DPY19L3: variants seen among roughly 807,000 people sequenced by gnomAD.
DPY19L3 encodes dpy-19 like C-mannosyltransferase 3, also known as protein C-mannosyl-transferase DPY19L3.
A neutral mutation model predicts 92.3 loss-of-function variants in DPY19L3; 51 were observed. The observed-to-expected ratio is 0.55, with a 90% CI of 0.44 to 0.70. DPY19L3 has a LOEUF of 0.70. Ranked by LOEUF, DPY19L3 falls within the 30% of genes least tolerant of loss-of-function variation. The pLI is 0.00. For missense variants in DPY19L3, 706 were observed against 855.9 expected (o/e 0.82, Z 2.18); for synonymous variants, 309 against 315.2 (o/e 0.98, Z 0.21).
rs920964564 is a variant in DPY19L3 at position 32,422,423 on chromosome 19, C to T, written c.238-10293C>T. On this transcript the variant is annotated intron_variant, in intron 3 of 18. Transcript: ENST00000392250. The stretch of plus-strand genomic sequence containing the variant: ...GTAGAATCATTATAGAAATTATGAC[C>T]GTCTCAGATGCAACATACAGGAGAC... 3.3e-5 allele frequency among the ~76,000 whole-genome samples: 5 copies of T among 152,008 alleles called. No individual in the cohort carries two copies. In the East Asian group the frequency reaches 7.7e-4, roughly 23 times the overall value.
chr19:32,473,656 G>A (rs764795330), intron 16 of DPY19L3, among the ~76,000 whole-genome samples: 9 of 152,272 alleles, frequency 5.9e-5, no homozygotes, highest in African/African-American at 1.2e-4. Flanking sequence ...TTTGCCTTAC[G>A]GGTAGAGTGA....
chr19:32,465,912 C>T (rs1160395509), intron 15 of DPY19L3, among the ~76,000 whole-genome samples: 4 of 152,132 alleles, frequency 2.6e-5, no homozygotes, highest in Non-Finnish European at 1.5e-5. Flanking sequence ...CATCTAGACA[C>T]GAACAGTTAA....
intron 3 of DPY19L3, among the ~76,000 whole-genome samples, chr19:32,426,644 A>G (rs1968775190): frequency 6.6e-6 from 1 of 152,226 alleles, no homozygotes; most frequent in African/African-American, 2.4e-5. Flanking sequence ...CTGTCAGAAC[A>G]CACACATTTC....
intron 4 of DPY19L3, among the ~76,000 whole-genome samples, chr19:32,433,038 C>A (rs545623562): frequency 6.6e-6 from 1 of 152,164 alleles, no homozygotes; most frequent in African/African-American, 2.4e-5. Flanking sequence ...AAAGTAATAT[C>A]TTTGCAATTT....
intron 8 of DPY19L3, among the ~76,000 whole-genome samples, chr19:32,445,446 A>AAAAAAAAAAAAAAAC (rs1969464038): frequency 6.8e-6 from 1 of 148,104 alleles, no homozygotes; most frequent in Non-Finnish European, 1.5e-5. Context: ...ATCTCAAAAA[A>AAAAAAAAAAAAAAAC]AAAAAAAAAA....
intron 16 of DPY19L3, chr19:32,469,169 C>T (rs978570153): frequency 6.1e-6 from 1 of 164,672 alleles, no homozygotes; most frequent in East Asian, 1.8e-4. Context: ...CATTTTAATA[C>T]CATTCTGATT....
intron 12 of DPY19L3, among the ~76,000 whole-genome samples, chr19:32,462,085 AATAAT>A (rs1970058062): frequency 6.6e-6 from 1 of 152,236 alleles, no homozygotes; most frequent in African/African-American, 2.4e-5. Context: ...GAATAACAAT[AATAAT>A]AAAATACAAC....
intron 6 of DPY19L3, among the ~76,000 whole-genome samples, chr19:32,438,635 A>T (rs1241640428): frequency 4.6e-5 from 7 of 152,176 alleles, no homozygotes; most frequent in Non-Finnish European, 8.8e-5. Context: ...GTGTACAAAG[A>T]TGAAAAATTT....
chr19:32,415,217 TAGAG>T (rs1968337584), intron 3 of DPY19L3, among the ~76,000 whole-genome samples: 1 of 152,150 alleles, frequency 6.6e-6, no homozygotes, highest in South Asian at 2.1e-4. Flanking sequence ...TGGGGTGAGA[TAGAG>T]AGCACTGTGG....
Position 32,482,278 on chromosome 19 carries a change from A to T in DPY19L3, c.*38A>T. 1.3e-6 allele frequency: 2 copies of T among 1,593,358 alleles called. No homozygotes were observed. Among genetic ancestry groups the T allele is most frequent in the Middle Eastern group, 3.4e-4 (2 of 5,946 alleles). ...CCCAGTGTCTATTTTTGATACGGAG[A>T]AACTGCATCATGATGAAACTCAATA... On this transcript the variant is annotated 3_prime_UTR_variant, in exon 19 of 19. Coordinates refer to ENST00000392250, the MANE Select transcript of DPY19L3 (RefSeq NM_001172774.2).
chr19:32,447,820 A>ATAGAT (rs1969562035), intron 8 of DPY19L3, among the ~76,000 whole-genome samples: 1 of 127,504 alleles, frequency 7.8e-6, no homozygotes, highest in South Asian at 2.8e-4. Flanking sequence ...GATAGATTAG[A>ATAGAT]TAGATAGATA....
At chr19:32,463,593 T>A in intron 13 of DPY19L3, 105 bp downstream of exon 13, 1 of 1,335,816 alleles carries the variant, frequency 7.5e-7, no homozygotes, top group South Asian at 1.4e-5. Context: ...TGATCATGGT[T>A]CCCATAAAAT....
At chr19:32,428,748 AGT>A (rs1211635876) in intron 3 of DPY19L3, among the ~76,000 whole-genome samples, 13 of 151,874 alleles carry the variant, frequency 8.6e-5, no homozygotes, top group Non-Finnish European at 5.9e-5. Flanking sequence ...TATTGTGAGC[AGT>A]CATTTTTTGT....
In DPY19L3 at chr19:32,464,759, T is replaced by C; in HGVS notation, c.1589T>C (p.Leu530Ser). 1 of 1,531,560 alleles carries C rather than the reference T, an allele frequency of 6.5e-7. No individual in the cohort carries two copies. Among genetic ancestry groups the C allele is most frequent in the Non-Finnish European group, 8.9e-7 (1 of 1,125,406 alleles). The allele number at this position is 1,531,560 out of a possible 1,614,324, so 94.9% of individuals were successfully genotyped here. The change falls in exon 15 of 19, where the codon TTA becomes TCA. Residue 530 changes from leucine (L) to serine (S), a missense_variant. Leu to Ser is a moderately radical substitution (Grantham distance 145, BLOSUM62 -2). Transcript: ENST00000392250. ...ATAATGCGATATTCAGTACCGATAT[T>C]AATACTGCTGTATCTATGCTATAAG... ...ICIMRYSVPI[L>S]ILLYLCYKFW...
At chr19:32,422,887 T>C (rs6510246) in intron 3 of DPY19L3, among the ~76,000 whole-genome samples, 134,942 of 152,230 alleles carry the variant, frequency 0.89, 60,078 homozygotes, top group African/African-American at 0.97. Context: ...TAGCATTCAG[T>C]TTCTCCACAG....
chr19:32,451,693 CT>C (rs1160241174), intron 8 of DPY19L3, among the ~76,000 whole-genome samples: 1 of 152,112 alleles, frequency 6.6e-6, no homozygotes, highest in Non-Finnish European at 1.5e-5. Flanking sequence ...TAGGGACTGC[CT>C]TTTTTTTCTT....
intron 8 of DPY19L3, among the ~76,000 whole-genome samples, chr19:32,446,282 A>G (rs1969497133): frequency 6.6e-6 from 1 of 152,202 alleles, no homozygotes; most frequent in African/African-American, 2.4e-5. Context: ...TGAAATTGTA[A>G]AAATGTTCAG....
At position 32,463,382 on chromosome 19, in the gene DPY19L3, C is replaced by G; in HGVS notation, c.1339C>G (p.Gln447Glu). Residue 447 changes from glutamine (Q) to glutamate (E), a missense_variant, in exon 13 of 19, where the codon CAA becomes GAA. Coordinates refer to ENST00000392250, the MANE Select transcript of DPY19L3 (RefSeq NM_001172774.2). ...TTTACTCAGTGATTCTACAAATCAA[C>G]AATCCGTGGGTAAAATGGAAAAAGG... ...FHNLSDSTNQ[Q>E]SVGKMEKGTV... The G allele has an allele frequency of 6.2e-7, 1 of 1,613,648 alleles. No homozygotes were observed. Among genetic ancestry groups the G allele is most frequent in the Non-Finnish European group, 8.5e-7 (1 of 1,179,730 alleles).
rs2145492556 is a variant in DPY19L3 at position 32,437,208 on chromosome 19, A to G, written c.465A>G (p.Pro155=). 6.2e-7 allele frequency: 1 copy of G among 1,614,024 alleles called. No homozygotes were observed. Among genetic ancestry groups the G allele is most frequent in the South Asian group, 1.1e-5 (1 of 91,076 alleles). Residue 155 remains proline, a synonymous_variant, in exon 6 of 19, where the codon CCA becomes CCG. Transcript: ENST00000392250. ...CCCTTTTACAGAAATATTTAGAGCC[A>G]GTTTATTTTTATATTTACACCTTAT... ...RVLPIQKYLE[P]VYFYIYTLFG...
Sources: allele counts gnomAD v4.1 joint callset (sites outside exome capture counted in the v4.1 genomes callset), GRCh38; gene constraint gnomAD v4.1.1; transcripts MANE v1.5; gene names NCBI Gene and HGNC (gene_info 2026-07-23, HGNC 2026-07-21).